CDKL4: variants seen among roughly 807,000 people sequenced by gnomAD.
The protein encoded by CDKL4 is cyclin-dependent kinase-like 4.
In CDKL4, 44 loss-of-function variants were observed where a neutral mutation model predicts 42.0. The ratio of observed to expected loss-of-function variants is 1.05; its 90% confidence interval spans 0.82 to 1.35. The LOEUF is 1.35. Ranked by LOEUF, CDKL4 falls within the 40% of genes most tolerant of loss-of-function variation. The pLI, the probability that CDKL4 is intolerant of heterozygous loss-of-function variation, is 0.00. For synonymous variants in CDKL4, 120 were observed against 121.6 expected (o/e 0.99, Z 0.09); for missense variants, 393 against 369.9 (o/e 1.06, Z -0.51).
chr2:39,173,549 C>T (rs959000600), downstream of CDKL4, among the ~76,000 whole-genome samples: 2 of 152,026 alleles, frequency 1.3e-5, no homozygotes, highest in African/African-American at 4.8e-5. Context: ...GTGGCTCACG[C>T]CTGTAATCCC....
intron 7 of CDKL4, among the ~76,000 whole-genome samples, chr2:39,187,243 G>A (rs1044821945): frequency 6.6e-6 from 1 of 152,072 alleles, no homozygotes; most frequent in Non-Finnish European, 1.5e-5. Context: ...GGCCTCCCCA[G>A]CCATGCTGGA....
intron 3 of CDKL4, among the ~76,000 whole-genome samples, chr2:39,222,416 C>T (rs1198350690): frequency 1.3e-5 from 2 of 151,892 alleles, no homozygotes; most frequent in Non-Finnish European, 2.9e-5. Flanking sequence ...ATGGCAAAAC[C>T]CTGTGTCTAC....
intron 9 of CDKL4, chr2:39,178,844 C>A: frequency 6.6e-7 from 1 of 1,511,840 alleles, no homozygotes; most frequent in Non-Finnish European, 8.8e-7. Flanking sequence ...CTTTGCAATG[C>A]TGGCAAAACT....
intron 5 of CDKL4, among the ~76,000 whole-genome samples, chr2:39,194,952 T>G (rs1276905148): frequency 6.6e-6 from 1 of 152,190 alleles, no homozygotes; most frequent in Non-Finnish European, 1.5e-5. Flanking sequence ...CTCTGTATCC[T>G]TTAAACAACA....
chr2:39,168,391 G>T, the CDKL4 span, among the ~76,000 whole-genome samples: 1 of 152,146 alleles, frequency 6.6e-6, no homozygotes, highest in Non-Finnish European at 1.5e-5. Context: ...TATGCCTGTT[G>T]AGTAGGATTA....
intron 4 of CDKL4, among the ~76,000 whole-genome samples, chr2:39,206,709 G>C (rs902342000): frequency 6.6e-6 from 1 of 152,204 alleles, no homozygotes; most frequent in Non-Finnish European, 1.5e-5. Flanking sequence ...TCAATTCAAA[G>C]CATAAATTAT....
At chr2:39,213,425 G>A in exon 4 of CDKL4, 1 of 1,607,718 alleles carries the variant, frequency 6.2e-7, no homozygotes, top group Non-Finnish European at 8.5e-7. Context: ...GAAATTAAGA[G>A]CTTGAAGTGT....
chr2:39,240,475 T>C (rs1299111330), intron 1 of CDKL4, among the ~76,000 whole-genome samples: 1 of 145,676 alleles, frequency 6.9e-6, no homozygotes, highest in African/African-American at 2.5e-5. Flanking sequence ...TCAGTATCTA[T>C]CCAGGAAAAA....
Position 39,218,583 on chromosome 2 carries a change from G to A in CDKL4, c.291-5111C>T, listed in dbSNP as rs139682276. Among the ~76,000 whole-genome samples, 9 of 152,284 alleles carry A rather than the reference G, an allele frequency of 5.9e-5. No homozygotes were observed. In the East Asian group the frequency reaches 1.7e-3, roughly 29 times the overall value. Reference sequence around the variant, plus strand: ...GGATTCACATTTGAATCAGTAGACCGCGTAAAGAAGACCCACCCACAAAGG... The same window carrying A: ...GGATTCACATTTGAATCAGTAGACCACGTAAAGAAGACCCACCCACAAAGG... On this transcript the variant is annotated intron_variant, in intron 3 of 9. Transcript: ENST00000451199.
chr2:39,229,859 C>T (rs555782406), intron 1 of CDKL4, among the ~76,000 whole-genome samples: 1 of 152,340 alleles, frequency 6.6e-6, no homozygotes, highest in South Asian at 2.1e-4. Flanking sequence ...CTTATCCCAT[C>T]TATTGTTTTC....
intron 9 of CDKL4, chr2:39,178,724 G>A (rs1341033953): frequency 6.2e-7 from 1 of 1,608,674 alleles, no homozygotes; most frequent in African/African-American, 1.3e-5. Flanking sequence ...TCTTGGTTTT[G>A]AGAAAAAGCC....
intron 8 of CDKL4, among the ~76,000 whole-genome samples, chr2:39,181,250 C>G (rs1675423315): frequency 6.6e-6 from 1 of 152,206 alleles, no homozygotes; most frequent in South Asian, 2.1e-4. Context: ...CCTGGCCACT[C>G]CTTTTCAAAC....
chr2:39,190,668 T>C (rs1676132602), intron 5 of CDKL4, among the ~76,000 whole-genome samples, 166 bp from the exon 6 acceptor site: 1 of 152,208 alleles, frequency 6.6e-6, no homozygotes, highest in South Asian at 2.1e-4. Context: ...TGCATTGAGA[T>C]AGTAAATTTG....
intron 4 of CDKL4, among the ~76,000 whole-genome samples, chr2:39,209,591 T>C (rs1052930853): frequency 2.0e-5 from 3 of 152,174 alleles, no homozygotes; most frequent in Non-Finnish European, 4.4e-5. Context: ...GGACCTCAGA[T>C]TCAACATTTC....
upstream of CDKL4, among the ~76,000 whole-genome samples, chr2:39,245,775 C>G (rs1321148818): frequency 1.3e-5 from 2 of 152,204 alleles, no homozygotes; most frequent in Non-Finnish European, 2.9e-5. Context: ...TTAGTCATTA[C>G]TTTTCGGTCT....
At chr2:39,203,846 A>G (rs1480215476) in intron 5 of CDKL4, among the ~76,000 whole-genome samples, 2 of 152,178 alleles carry the variant, frequency 1.3e-5, no homozygotes, top group Non-Finnish European at 2.9e-5. Flanking sequence ...AACCTCAGAA[A>G]GCCTTGATCG....
chr2:39,187,587 G>T, intron 7 of CDKL4, 40 bp downstream of exon 7: 2 of 1,342,854 alleles, frequency 1.5e-6, no homozygotes, highest in East Asian at 2.4e-5. Flanking sequence ...AAAGAAAGCC[G>T]CAACACAAGT....
chr2:39,189,446 G>C (rs889972544), intron 6 of CDKL4, among the ~76,000 whole-genome samples: 1 of 152,140 alleles, frequency 6.6e-6, no homozygotes, highest in Non-Finnish European at 1.5e-5. Flanking sequence ...TTCCTTAACA[G>C]GTTTTTCTTA....
At chr2:39,185,317 CAT>C (rs372001348) in intron 7 of CDKL4, among the ~76,000 whole-genome samples, 1 of 34,790 alleles carries the variant, frequency 2.9e-5, no homozygotes, top group African/African-American at 2.5e-4. Context: ...TGTATATATA[CAT>C]ATATATACAC....
Sources: gnomAD v4.1 joint callset for allele counts (sites outside exome capture counted in the v4.1 genomes callset) on GRCh38, gnomAD v4.1.1 for gene constraint, MANE v1.5 for transcripts, NCBI Gene and HGNC (gene_info 2026-07-23, HGNC 2026-07-21) for gene names.